The following EDIL3 variants were observed in gnomAD, a reference collection of about 807,000 sequenced individuals.
EDIL3 encodes EGF like and discoidin domains 3.
EDIL3 carries 37 observed loss-of-function variants against 67.4 expected under a neutral mutation model. That is an observed-to-expected ratio of 0.55 (90% CI 0.42 to 0.72). The LOEUF (loss-of-function observed/expected upper bound fraction) is 0.72, where lower values mean the gene tolerates loss of function less well. EDIL3 is among the 30% of genes least tolerant of loss of function. The pLI is 0.00. For missense variants in EDIL3, 527 were observed against 586.3 expected (o/e 0.90, Z 1.04); for synonymous variants, 195 against 196.3 (o/e 0.99, Z 0.05).
intron 6 of EDIL3, among the ~76,000 whole-genome samples, chr5:84,077,268 T>C (rs1561424064): frequency 6.6e-6 from 1 of 152,120 alleles, no homozygotes; most frequent in African/African-American, 2.4e-5. Flanking sequence ...ATTATGAAAA[T>C]TGTGTTGATT....
chr5:84,194,648 T>C (rs923187240), intron 3 of EDIL3, among the ~76,000 whole-genome samples: 5 of 151,938 alleles, frequency 3.3e-5, no homozygotes, highest in Non-Finnish European at 5.9e-5. Context: ...TCCATGAATA[T>C]ATTAAATGTA....
At chr5:83,983,861 A>G (rs1043145828) in intron 9 of EDIL3, among the ~76,000 whole-genome samples, 1 of 151,892 alleles carries the variant, frequency 6.6e-6, no homozygotes, top group Admixed American at 6.6e-5. Flanking sequence ...GCCAGGTAAG[A>G]AATGGATAGA....
In EDIL3 at chr5:84,026,102, T is replaced by C. The variant is rs776317561; in HGVS notation, c.1137+34198A>G. Among the ~76,000 whole-genome samples, 8 of 152,164 alleles carry C rather than the reference T, an allele frequency of 5.3e-5. 1 individual carries two copies. The highest frequency in any genetic ancestry group is 8.8e-5 in the Non-Finnish European group (6 of 68,010). ...GGACTGGTTAGAAATGCAGAATATA[T>C]GGATTTCTTTCTCACTCCAGGAATA... On this transcript the variant is annotated intron_variant, in intron 9 of 10. Coordinates refer to ENST00000296591, the MANE Select transcript of EDIL3 (RefSeq NM_005711.5).
chr5:84,201,716 G>T (rs1268851505), intron 3 of EDIL3, among the ~76,000 whole-genome samples: 1 of 152,062 alleles, frequency 6.6e-6, no homozygotes, highest in South Asian at 2.1e-4. Flanking sequence ...AACTTGAAAG[G>T]TTCCAAATTC....
intron 9 of EDIL3, among the ~76,000 whole-genome samples, chr5:84,047,421 G>A (rs1186501332): frequency 6.6e-6 from 1 of 152,016 alleles, no homozygotes; most frequent in Non-Finnish European, 1.5e-5. Context: ...AAAGGTAGGG[G>A]CAATATTTTG....
At chr5:84,315,033 CCTT>C (rs1171251198) in intron 1 of EDIL3, among the ~76,000 whole-genome samples, 4 of 151,872 alleles carry the variant, frequency 2.6e-5, no homozygotes, top group African/African-American at 9.7e-5. Flanking sequence ...ATTTTATTAT[CCTT>C]CTAGTTTAAC....
chr5:84,118,250 AG>A lies in EDIL3; in HGVS notation c.470-11421del, dbSNP rs553773356. The stretch of plus-strand genomic sequence containing the variant: ...TGAGTGAGCTAAAAATTGCTCAGGC[AG>A]GGGGTTATGGTAATATATCCTTAGT... On this transcript the variant is annotated intron_variant, in intron 5 of 10. Transcript: ENST00000296591. Among the ~76,000 whole-genome samples the A allele has an allele frequency of 1.2e-3, 183 of 152,314 alleles. 1 individual carries two copies. Among genetic ancestry groups the A allele is most frequent in the African/African-American group, 4.3e-3 (179 of 41,590 alleles).
chr5:83,950,369 G>T (rs1358249918), intron 10 of EDIL3, among the ~76,000 whole-genome samples: 1 of 151,792 alleles, frequency 6.6e-6, no homozygotes, highest in East Asian at 1.9e-4. Flanking sequence ...TGAGTAATTG[G>T]TATTGAAGGG....
At chr5:84,205,211 A>G (rs1743942543) in intron 3 of EDIL3, among the ~76,000 whole-genome samples, 1 of 151,866 alleles carries the variant, frequency 6.6e-6, no homozygotes, top group South Asian at 2.1e-4. Context: ...CCACCATGCC[A>G]GGCTAAAATA....
chr5:84,163,274 C>G (rs1748645070), intron 4 of EDIL3, among the ~76,000 whole-genome samples: 1 of 152,018 alleles, frequency 6.6e-6, no homozygotes, highest in African/African-American at 2.4e-5. Flanking sequence ...AGAAAGATAG[C>G]TGGCAATAAA....
In EDIL3 at chr5:84,106,660, G is replaced by A; in HGVS notation, c.640C>T (p.Pro214Ser). The A allele has an allele frequency of 6.2e-7, 1 of 1,603,266 alleles. No individual in the cohort carries two copies. The highest frequency in any genetic ancestry group is 8.5e-7 in the Non-Finnish European group (1 of 1,175,980). ...ATCCCATCTGTTACCTGAATCCACG[G>A]CCATCTGTCATTTTCTGCAGCTGTC... is the stretch of plus-strand genomic sequence containing the variant. ...AWTAAENDRW[P>S]WIQINLQRKM... The change falls in exon 6 of 11, where the codon CCG becomes TCG. Residue 214 changes from proline to serine, a missense_variant. Physicochemically the swap from Pro to Ser is moderately conservative, Grantham distance 74. Coordinates refer to ENST00000296591, the MANE Select transcript of EDIL3 (RefSeq NM_005711.5).
chr5:84,373,659 G>C (rs1014372649), intron 1 of EDIL3, among the ~76,000 whole-genome samples: 51 of 152,154 alleles, frequency 3.4e-4, no homozygotes, highest in African/African-American at 1.2e-3. Context: ...AGAGAAATTT[G>C]TAAGTGGGTA....
At chr5:84,267,434 A>C (rs1294938960) in intron 1 of EDIL3, among the ~76,000 whole-genome samples, 1 of 152,250 alleles carries the variant, frequency 6.6e-6, no homozygotes, top group Non-Finnish European at 1.5e-5. Flanking sequence ...GTTTCTAGAA[A>C]GTAATGGCAG....
At chr5:84,073,800 C>T (rs1210544747) in intron 6 of EDIL3, among the ~76,000 whole-genome samples, 2 of 152,144 alleles carry the variant, frequency 1.3e-5, no homozygotes, top group African/African-American at 4.8e-5. Flanking sequence ...TCAATGTCAT[C>T]CCCATCAAGC....
chr5:84,290,427 C>T (rs1470666874), intron 1 of EDIL3, among the ~76,000 whole-genome samples: 1 of 152,182 alleles, frequency 6.6e-6, no homozygotes, highest in Non-Finnish European at 1.5e-5. Flanking sequence ...AGACATACGT[C>T]ATCTCTAATA....
In EDIL3 at chr5:83,942,358, AGATGTTAGTTTCACAG is replaced by A. The variant is rs1186214975; in HGVS notation, c.*1045_*1060del. The stretch of plus-strand genomic sequence containing the variant: ...CTACCACCAGTTTCAAATCTCAATA[AGATGTTAGTTTCACAG>A]GAAATGTGGAGCTGAACAAAGAAAT... On this transcript the variant is annotated 3_prime_UTR_variant, in exon 11 of 11. Transcript: ENST00000296591. 1 of 152,058 alleles carries A rather than the reference AGATGTTAGTTTCACAG, an allele frequency of 6.6e-6. No individual in the cohort carries two copies. Among genetic ancestry groups the A allele is most frequent in the Non-Finnish European group, 1.5e-5 (1 of 67,954 alleles). 9.4% of individuals were successfully genotyped at this position (152,058 alleles called of 1,614,324 possible). A position where few individuals can be genotyped will look rare whatever the true frequency, so the allele number is the denominator to read the frequency against.
chr5:84,263,047 C>A (rs1244622679), intron 1 of EDIL3, among the ~76,000 whole-genome samples: 1 of 151,980 alleles, frequency 6.6e-6, no homozygotes, highest in Non-Finnish European at 1.5e-5. Context: ...TTACTGAAGC[C>A]CATCTATATG....
intron 4 of EDIL3, among the ~76,000 whole-genome samples, chr5:84,154,506 A>T (rs1748455348): frequency 6.6e-6 from 1 of 152,058 alleles, no homozygotes; most frequent in Non-Finnish European, 1.5e-5. Flanking sequence ...CTTCTGATGC[A>T]TTCTACCAAT....
chr5:84,066,734 T>C, intron 6 of EDIL3, 128 bp from the exon 7 acceptor site: 1 of 1,234,884 alleles, frequency 8.1e-7, no homozygotes, highest in Non-Finnish European at 1.1e-6. Flanking sequence ...ATAATTTTCA[T>C]GGATAAATGT....
Sources: allele counts gnomAD v4.1 joint callset (sites outside exome capture counted in the v4.1 genomes callset), GRCh38; gene constraint gnomAD v4.1.1; transcripts MANE v1.5; gene names NCBI Gene and HGNC (gene_info 2026-07-23, HGNC 2026-07-21).